The following UBE2E2 variants were observed in gnomAD, a reference collection of about 807,000 sequenced individuals.
The protein encoded by UBE2E2 is ubiquitin-conjugating enzyme E2 E2.
Under a neutral mutation model 24.7 loss-of-function variants are expected in UBE2E2, and 6 were observed. The ratio of observed to expected loss-of-function variants is 0.24; its 90% CI spans 0.13 to 0.48. The LOEUF (loss-of-function observed/expected upper bound fraction) is 0.48, where lower values mean the gene tolerates loss of function less well. UBE2E2 is among the 20% of genes least tolerant of loss of function. The pLI, the probability that UBE2E2 is intolerant of heterozygous loss-of-function variation, is 0.99. For synonymous variants in UBE2E2, 104 were observed against 83.6 expected (o/e 1.24, Z -1.33); for missense variants, 169 against 245.0 (o/e 0.69, Z 2.07).
intron 5 of UBE2E2, among the ~76,000 whole-genome samples, chr3:23,537,298 A>G (rs1412783121): frequency 6.6e-6 from 1 of 152,214 alleles, no homozygotes; most frequent in Non-Finnish European, 1.5e-5. Flanking sequence ...GCAGAACTAT[A>G]CAGGTCAGGT....
At chr3:23,266,761 G>A (rs1698060714) in intron 3 of UBE2E2, among the ~76,000 whole-genome samples, 2 of 152,244 alleles carry the variant, frequency 1.3e-5, no homozygotes, top group Middle Eastern at 3.4e-3. Flanking sequence ...ATTCTTTTCA[G>A]CAGCACACCA....
chr3:23,320,969 C>G (rs1694723215), intron 3 of UBE2E2, among the ~76,000 whole-genome samples: 1 of 152,200 alleles, frequency 6.6e-6, no homozygotes, highest in Non-Finnish European at 1.5e-5. Context: ...AGTCTAAAAT[C>G]AAGTGTCTGC....
At chr3:23,349,932 T>A (rs1259206302) in intron 3 of UBE2E2, among the ~76,000 whole-genome samples, 7 of 152,216 alleles carry the variant, frequency 4.6e-5, no homozygotes. Flanking sequence ...GACTGCCTCC[T>A]CAAGTGGGTC....
At chr3:23,551,186 T>C (rs556943741) in intron 5 of UBE2E2, among the ~76,000 whole-genome samples, 2 of 152,140 alleles carry the variant, frequency 1.3e-5, no homozygotes, top group Admixed American at 1.3e-4. Flanking sequence ...CCATAAAATA[T>C]TACCACGGAC....
intron 3 of UBE2E2, among the ~76,000 whole-genome samples, chr3:23,292,206 G>A (rs1235246467): frequency 6.6e-6 from 1 of 151,980 alleles, no homozygotes; most frequent in African/African-American, 2.4e-5. Flanking sequence ...CAAACTCCTC[G>A]GCTCAAGCAG....
intron 3 of UBE2E2, among the ~76,000 whole-genome samples, chr3:23,487,183 A>G (rs1372174233): frequency 1.3e-5 from 2 of 152,148 alleles, no homozygotes; most frequent in Non-Finnish European, 2.9e-5. Flanking sequence ...GTGCACACCC[A>G]GCTCGGTCGC....
chr3:23,297,337 G>T (rs899356486), intron 3 of UBE2E2, among the ~76,000 whole-genome samples: 5 of 151,552 alleles, frequency 3.3e-5, no homozygotes, highest in East Asian at 1.9e-4. Context: ...GTCAATTTTG[G>T]CTTTTGTTGC....
chr3:23,339,576 G>C (rs1292365478), intron 3 of UBE2E2, among the ~76,000 whole-genome samples: 1 of 152,076 alleles, frequency 6.6e-6, no homozygotes, highest in Non-Finnish European at 1.5e-5. Context: ...AAAACTTAGA[G>C]ACCCTAGTTA....
At chr3:23,422,182 T>C (rs1423425229) in intron 3 of UBE2E2, among the ~76,000 whole-genome samples, 1 of 152,088 alleles carries the variant, frequency 6.6e-6, no homozygotes. Flanking sequence ...ACCAAAGAAG[T>C]AGGTTAAGAG....
chr3:23,416,883 G>A (rs918613814), intron 3 of UBE2E2, among the ~76,000 whole-genome samples: 2 of 152,134 alleles, frequency 1.3e-5, no homozygotes, highest in African/African-American at 4.8e-5. Context: ...TTCTTGTGCT[G>A]TGTTTTTCAG....
At chr3:23,382,643 C>T (rs1006243045) in intron 3 of UBE2E2, among the ~76,000 whole-genome samples, 1 of 152,126 alleles carries the variant, frequency 6.6e-6, no homozygotes, top group East Asian at 1.9e-4. Flanking sequence ...CTATTCCTAA[C>T]CAAATTAGAC....
intron 3 of UBE2E2, among the ~76,000 whole-genome samples, chr3:23,290,177 A>G (rs1698725081): frequency 6.6e-6 from 1 of 152,234 alleles, no homozygotes; most frequent in Non-Finnish European, 1.5e-5. Flanking sequence ...TTACCCTGCT[A>G]AGCAGTTAGA....
At chr3:23,578,842 A>G (rs4635650) in intron 5 of UBE2E2, among the ~76,000 whole-genome samples, 104,336 of 152,060 alleles carry the variant, frequency 0.69, 37,207 homozygotes, top group African/African-American at 0.9. Flanking sequence ...CCTAGGTGAT[A>G]GGATGATCTG....
At chr3:23,486,251 G>A (rs1699368060) in intron 3 of UBE2E2, among the ~76,000 whole-genome samples, 1 of 152,172 alleles carries the variant, frequency 6.6e-6, no homozygotes, top group Non-Finnish European at 1.5e-5. Context: ...TCCGTGCAAG[G>A]CTGTAGCTGT....
chr3:23,387,712 T>C (rs1172928439), intron 3 of UBE2E2, among the ~76,000 whole-genome samples: 1 of 152,198 alleles, frequency 6.6e-6, no homozygotes, highest in Non-Finnish European at 1.5e-5. Flanking sequence ...AGGTATGAAG[T>C]GCCTGACAGG....
At chr3:23,467,087 T>C (rs1698935456) in intron 3 of UBE2E2, among the ~76,000 whole-genome samples, 1 of 152,138 alleles carries the variant, frequency 6.6e-6, no homozygotes, top group Non-Finnish European at 1.5e-5. Flanking sequence ...AGGTATTTAT[T>C]TAGGAAGTAA....
chr3:23,369,140 A>G (rs918724584), intron 3 of UBE2E2, among the ~76,000 whole-genome samples: 1 of 152,194 alleles, frequency 6.6e-6, no homozygotes, highest in African/African-American at 2.4e-5. Flanking sequence ...AGCTTTTATC[A>G]TGGCCTTTGG....
At chr3:23,391,803 G>T (rs1469794175) in intron 3 of UBE2E2, among the ~76,000 whole-genome samples, 1 of 152,084 alleles carries the variant, frequency 6.6e-6, no homozygotes, top group Non-Finnish European at 1.5e-5. Context: ...GTTAGGGAGA[G>T]TTTGGATTGT....
chr3:23,350,879 C>T (rs190439307), intron 3 of UBE2E2, among the ~76,000 whole-genome samples: 42 of 152,212 alleles, frequency 2.8e-4, no homozygotes, highest in Non-Finnish European at 5.0e-4. Context: ...TCAGGAAATA[C>T]AGAGAACGCC....
Sources: allele counts gnomAD v4.1 joint callset (sites outside exome capture counted in the v4.1 genomes callset), GRCh38; gene constraint gnomAD v4.1.1; transcripts MANE v1.5; gene names NCBI Gene and HGNC (gene_info 2026-07-23, HGNC 2026-07-21).